The following CPS1 variants were observed in gnomAD, a reference collection of about 807,000 sequenced individuals.
The protein encoded by CPS1 is carbamoyl-phosphate synthase [ammonia], mitochondrial.
CPS1 carries 109 observed loss-of-function variants against 174.6 expected under a neutral mutation model. That is an observed-to-expected ratio of 0.62 (90% CI 0.53 to 0.73). The LOEUF (loss-of-function observed/expected upper bound fraction) is 0.73. Ranked by LOEUF, CPS1 falls within the 30% of genes least tolerant of loss-of-function variation. The probability of loss-of-function intolerance (pLI) is 0.00; values close to 1 mark genes in which losing one functional copy is unlikely to be tolerated. For synonymous variants in CPS1, 637 were observed against 632.0 expected (o/e 1.01, Z -0.12); for missense variants, 1,689 against 1,821.9 (o/e 0.93, Z 1.33).
At chr2:210,535,867 T>C (rs1696238192) in intron 1 of CPS1, among the ~76,000 whole-genome samples, 1 of 150,494 alleles carries the variant, frequency 6.6e-6, no homozygotes, top group Non-Finnish European at 1.5e-5. Flanking sequence ...TTCCTCATTA[T>C]TGGGTAAAGT....
intron 1 of CPS1, among the ~76,000 whole-genome samples, chr2:210,527,989 T>A (rs953036998): frequency 1.3e-5 from 2 of 151,852 alleles, no homozygotes; most frequent in African/African-American, 4.8e-5. Flanking sequence ...TTATTGGTGT[T>A]CTTAGGAATG....
intron 1 of CPS1, among the ~76,000 whole-genome samples, chr2:210,531,691 T>C (rs1696118759): frequency 1.3e-5 from 2 of 152,060 alleles, no homozygotes; most frequent in Admixed American, 1.3e-4. Flanking sequence ...TTATTTACAA[T>C]CCACCACCAA....
At chr2:210,591,719 T>A in intron 9 of CPS1, 112 bp from the exon 10 acceptor site, 2 of 1,193,040 alleles carry the variant, frequency 1.7e-6, no homozygotes, top group Non-Finnish European at 2.4e-6. Flanking sequence ...ACTAAGCAAT[T>A]GAAATTTTGA....
At chr2:210,584,267 A>T (rs1698029277) in intron 6 of CPS1, among the ~76,000 whole-genome samples, 1 of 152,062 alleles carries the variant, frequency 6.6e-6, no homozygotes, top group Non-Finnish European at 1.5e-5. Context: ...CATCACAGCT[A>T]TTGGCTGGTT....
intron 21 of CPS1, among the ~76,000 whole-genome samples, chr2:210,628,876 T>C (rs1699775653): frequency 2.0e-5 from 3 of 152,134 alleles, no homozygotes. Flanking sequence ...TATATTGAAA[T>C]ATATTTATAT....
chr2:210,647,542 T>A (rs1290949125), intron 25 of CPS1, among the ~76,000 whole-genome samples: 1 of 152,170 alleles, frequency 6.6e-6, no homozygotes, highest in African/African-American at 2.4e-5. Flanking sequence ...TTTCCAGCAG[T>A]AGTCCAGGAA....
chr2:210,629,983 GA>G (rs1277399603), intron 21 of CPS1, among the ~76,000 whole-genome samples: 3 of 151,764 alleles, frequency 2.0e-5, no homozygotes, highest in African/African-American at 7.2e-5. Context: ...TGAGGCAGGA[GA>G]ATGGTGTGAA....
chr2:210,573,471 T>A, intron 2 of CPS1, 64 bp downstream of exon 2: 1 of 1,233,422 alleles, frequency 8.1e-7, no homozygotes, highest in Admixed American at 1.7e-5. Context: ...AAGATCTCAC[T>A]CATGGTGGTA....
intron 21 of CPS1, among the ~76,000 whole-genome samples, chr2:210,630,589 A>C (rs934044361): frequency 3.9e-5 from 6 of 152,214 alleles, no homozygotes; most frequent in African/African-American, 1.4e-4. Context: ...CTGTACAAGA[A>C]ATATAAAGAT....
chr2:210,673,784 A>G (rs1701404303), intron 34 of CPS1: 1 of 152,198 alleles, frequency 6.6e-6, no homozygotes, highest in Admixed American at 6.5e-5. Flanking sequence ...GAACACTCAT[A>G]CTAATGTAAG....
chr2:210,577,894 A>C (rs1288804453), intron 4 of CPS1, among the ~76,000 whole-genome samples: 1 of 152,014 alleles, frequency 6.6e-6, no homozygotes, highest in African/African-American at 2.4e-5. Context: ...TACCAGCTCT[A>C]CTGTTAACTG....
In CPS1 at chr2:210,608,403, C is replaced by T. The variant is rs1195039681; in HGVS notation, c.2235C>T (p.Ile745=). Residue 745 remains isoleucine, a synonymous_variant, in exon 19 of 38, where the codon ATC becomes ATT. Coordinates refer to ENST00000233072, the MANE Select transcript of CPS1 (RefSeq NM_001875.5). ...TTGCTGCAAAGATTGCCCTAGGAAT[C>T]CCACTTCCAGAAATTAAGAACGTCG... ...AFIAAKIALG[I]PLPEIKNVVS... is the part of the protein sequence containing the mutation. The T allele has an allele frequency of 4.3e-6, 7 of 1,612,366 alleles. No individual in the cohort carries two copies. Among genetic ancestry groups the T allele is most frequent in the South Asian group, 1.1e-5 (1 of 91,040 alleles).
At chr2:210,566,858 T>G (rs1697321215) in intron 1 of CPS1, among the ~76,000 whole-genome samples, 2 of 152,198 alleles carry the variant, frequency 1.3e-5, no homozygotes, top group Middle Eastern at 3.4e-3. Flanking sequence ...CATAGGGAAT[T>G]GATCAGAATG....
rs1161047239 is a variant in CPS1 at position 210,600,596 on chromosome 2, G to A, written c.1591G>A (p.Val531Met). The A allele has an allele frequency of 1.2e-6, 2 of 1,612,166 alleles. No individual in the cohort carries two copies. Among genetic ancestry groups the A allele is most frequent in the African/African-American group, 2.7e-5 (2 of 74,772 alleles). Residue 531 changes from valine (V) to methionine (M), a missense_variant, in exon 15 of 38, where the codon GTG becomes ATG. Coordinates refer to ENST00000233072, the MANE Select transcript of CPS1 (RefSeq NM_001875.5). Reference protein sequence around the residue: ...FKRGVLKEYGVKVLGTSVESI... With the variant: ...FKRGVLKEYGMKVLGTSVESI... Reference sequence around the variant, plus strand: ...GAGAGGTGTGCTCAAGGAATATGGTGTGAAAGTCCTGGGAACTTCAGTTGA... The same window carrying A: ...GAGAGGTGTGCTCAAGGAATATGGTATGAAAGTCCTGGGAACTTCAGTTGA...
chr2:210,638,351 A>AT (rs1177603820), intron 22 of CPS1, among the ~76,000 whole-genome samples: 1 of 152,096 alleles, frequency 6.6e-6, no homozygotes, highest in Non-Finnish European at 1.5e-5. Flanking sequence ...TCTAGTATTC[A>AT]TGACAATCAC....
At chr2:210,534,460 G>A (rs778987542) in intron 1 of CPS1, among the ~76,000 whole-genome samples, 3 of 152,166 alleles carry the variant, frequency 2.0e-5, no homozygotes, top group Non-Finnish European at 4.4e-5. Context: ...GGCCAGATTT[G>A]TGCATTTCTA....
At chr2:210,560,334 A>T (rs897906122) in intron 1 of CPS1, among the ~76,000 whole-genome samples, 3 of 152,132 alleles carry the variant, frequency 2.0e-5, no homozygotes, top group African/African-American at 2.4e-5. Flanking sequence ...GATTTCAAGA[A>T]ACTTACAGAC....
chr2:210,535,738 A>G (rs1298272733), intron 1 of CPS1, among the ~76,000 whole-genome samples: 1 of 152,182 alleles, frequency 6.6e-6, no homozygotes, highest in African/African-American at 2.4e-5. Context: ...AATATTTCAA[A>G]AACATTATCC....
chr2:210,490,222 A>G (rs964504797), intron 1 of CPS1, among the ~76,000 whole-genome samples: 9 of 152,224 alleles, frequency 5.9e-5, no homozygotes, highest in African/African-American at 1.7e-4. Context: ...GCCTATTGCT[A>G]ATAGTAATAT....
Sources: gnomAD v4.1 joint callset for allele counts (sites outside exome capture counted in the v4.1 genomes callset) on GRCh38, gnomAD v4.1.1 for gene constraint, MANE v1.5 for transcripts, NCBI Gene and HGNC (gene_info 2026-07-23, HGNC 2026-07-21) for gene names.